CLIC5: variants seen among roughly 807,000 people sequenced by gnomAD.
CLIC5 encodes CLIC family member 5.
In CLIC5, 20 loss-of-function variants were observed where a neutral mutation model predicts 24.7. The ratio of observed to expected loss-of-function variants is 0.81; its 90% confidence interval spans 0.57 to 1.18. The LOEUF (loss-of-function observed/expected upper bound fraction) is 1.18, where lower values mean the gene tolerates loss of function less well. Ranked by LOEUF, CLIC5 falls within the 50% of genes most tolerant of loss-of-function variation. The pLI, the probability that CLIC5 is intolerant of heterozygous loss-of-function variation, is 0.00. For missense variants in CLIC5, 341 were observed against 326.1 expected (o/e 1.05, Z -0.35); for synonymous variants, 159 against 135.6 (o/e 1.17, Z -1.20).
intron 1 of CLIC5, among the ~76,000 whole-genome samples, chr6:46,055,637 A>G (rs1768228022): frequency 6.6e-6 from 1 of 152,242 alleles, no homozygotes; most frequent in Non-Finnish European, 1.5e-5. Flanking sequence ...AGGCAAGAAC[A>G]GTGTCTTTTT....
At chr6:46,076,992 C>G (rs1177128577) in intron 1 of CLIC5, among the ~76,000 whole-genome samples, 1 of 151,948 alleles carries the variant, frequency 6.6e-6, no homozygotes, top group Non-Finnish European at 1.5e-5. Flanking sequence ...CAAAAATTAC[C>G]TGGGCATGGT....
intron 1 of CLIC5, among the ~76,000 whole-genome samples, chr6:46,024,369 A>C (rs1767271628): frequency 6.6e-6 from 1 of 152,286 alleles, no homozygotes; most frequent in Middle Eastern, 3.4e-3. Context: ...TGGGCACATG[A>C]TCAACTGGGA....
At chr6:45,913,922 A>G (rs891827345) in intron 5 of CLIC5, 12 of 684,780 alleles carry the variant, frequency 1.8e-5, no homozygotes, top group Middle Eastern at 4.6e-4. Flanking sequence ...ACTGTATACA[A>G]CAACGATAAT....
chr6:45,918,841 T>G (rs1035344366), intron 4 of CLIC5: 1 of 563,094 alleles, frequency 1.8e-6, no homozygotes, highest in Non-Finnish European at 2.3e-6. Flanking sequence ...GGGATGTTTA[T>G]GCAACTACCA....
chr6:45,939,272 A>T (rs1446442120), intron 4 of CLIC5, among the ~76,000 whole-genome samples: 1 of 142,038 alleles, frequency 7.0e-6, no homozygotes, highest in Non-Finnish European at 1.5e-5. Context: ...CCCAGGCAAC[A>T]GTGTGATCTC....
chr6:45,913,766 A>T, intron 5 of CLIC5: 1 of 1,230,856 alleles, frequency 8.1e-7, no homozygotes. Flanking sequence ...GAGGAAAATA[A>T]TGTGGGCTCA....
At position 45,899,095 on chromosome 6, in the gene CLIC5, G is replaced by A. The variant is rs368212823; in HGVS notation, c.*3993C>T. The stretch of plus-strand genomic sequence containing the variant: ...AAGCTGGGAGATGCATACTGACAAA[G>A]GGGAAGAATGTGTGTTGATGAGGAG... On this transcript the variant is annotated 3_prime_UTR_variant, in exon 6 of 6. Coordinates refer to ENST00000339561, the MANE Select transcript of CLIC5 (RefSeq NM_016929.5). The A allele has an allele frequency of 6.6e-6, 1 of 152,304 alleles. No individual in the cohort carries two copies. The highest frequency in any genetic ancestry group is 2.4e-5 in the African/African-American group (1 of 41,556). 9.4% of individuals were successfully genotyped at this position (152,304 alleles called of 1,614,324 possible).
intron 1 of CLIC5, among the ~76,000 whole-genome samples, chr6:45,961,498 A>G (rs905418190): frequency 1.3e-5 from 2 of 152,274 alleles, no homozygotes; most frequent in Non-Finnish European, 2.9e-5. Context: ...GAAAAGAGTG[A>G]CAAAGTGGCA....
intron 5 of CLIC5, among the ~76,000 whole-genome samples, chr6:45,913,005 T>C (rs1394768285): frequency 6.6e-6 from 1 of 152,246 alleles, no homozygotes; most frequent in Non-Finnish European, 1.5e-5. Flanking sequence ...GGAGAGGAGA[T>C]AGCATTTTTG....
chr6:46,105,941 T>C, the CLIC5 span, among the ~76,000 whole-genome samples: 1 of 152,226 alleles, frequency 6.6e-6, no homozygotes, highest in African/African-American at 2.4e-5. Flanking sequence ...ACTTGGAGTC[T>C]ATGAGAGTGC....
chr6:45,918,257 T>C (rs1763108902), intron 4 of CLIC5, among the ~76,000 whole-genome samples: 1 of 152,216 alleles, frequency 6.6e-6, no homozygotes, highest in Admixed American at 6.5e-5. Flanking sequence ...TTGAGGTTGA[T>C]ATTACATAAG....
At chr6:45,903,900 A>T (rs1173913711) in intron 5 of CLIC5, among the ~76,000 whole-genome samples, 1 of 152,126 alleles carries the variant, frequency 6.6e-6, no homozygotes, top group Non-Finnish European at 1.5e-5. Context: ...AGAAGGGAAA[A>T]AAAACCATGA....
intron 1 of CLIC5, among the ~76,000 whole-genome samples, chr6:45,969,534 A>G (rs569480311): frequency 7.6e-4 from 115 of 150,642 alleles, no homozygotes; most frequent in African/African-American, 2.7e-3. Context: ...AAGGCCACAT[A>G]GACGATCGGT....
upstream of CLIC5, among the ~76,000 whole-genome samples, chr6:46,017,620 C>A (rs1330555995): frequency 2.6e-5 from 4 of 152,150 alleles, no homozygotes; most frequent in Admixed American, 6.6e-5. Flanking sequence ...ACGGTCTTAA[C>A]AGAGATCAAA....
At chr6:46,020,365 A>G (rs1053664320), upstream of CLIC5, among the ~76,000 whole-genome samples, 7 of 152,194 alleles carry the variant, frequency 4.6e-5, 1 homozygote, top group African/African-American at 1.7e-4. Flanking sequence ...ATTAAAAAAT[A>G]TTTTGAACTG....
intron 1 of CLIC5, among the ~76,000 whole-genome samples, chr6:45,964,893 G>A (rs1440127615): frequency 1.3e-5 from 2 of 152,174 alleles, no homozygotes; most frequent in Non-Finnish European, 2.9e-5. Context: ...CAAATTGGTG[G>A]CAGAGTTGTA....
At chr6:46,117,956 T>G in the CLIC5 span, among the ~76,000 whole-genome samples, 1 of 152,148 alleles carries the variant, frequency 6.6e-6, no homozygotes, top group Non-Finnish European at 1.5e-5. Flanking sequence ...CACAAGACAG[T>G]GACAATTTTC....
At chr6:45,974,801 A>G (rs1156551618) in intron 1 of CLIC5, among the ~76,000 whole-genome samples, 1 of 152,088 alleles carries the variant, frequency 6.6e-6, no homozygotes, top group Admixed American at 6.6e-5. Flanking sequence ...ATGTAACCCC[A>G]TCCCCACCCC....
intron 1 of CLIC5, among the ~76,000 whole-genome samples, chr6:46,005,661 C>A (rs899731793): frequency 4.6e-5 from 7 of 152,050 alleles, no homozygotes; most frequent in Non-Finnish European, 8.8e-5. Context: ...AAAATTTCAT[C>A]TCTGAGGTGT....
Sources: allele counts gnomAD v4.1 joint callset (sites outside exome capture counted in the v4.1 genomes callset), GRCh38; gene constraint gnomAD v4.1.1; transcripts MANE v1.5; gene names NCBI Gene and HGNC (gene_info 2026-07-23, HGNC 2026-07-21).